FAM221A: variants seen among roughly 807,000 people sequenced by gnomAD.
FAM221A encodes protein FAM221A.
Under a neutral mutation model 37.6 loss-of-function variants are expected in FAM221A, and 43 were observed. The ratio of observed to expected loss-of-function variants is 1.15; its 90% CI spans 0.90 to 1.48. FAM221A has a LOEUF of 1.48. Ranked by LOEUF, FAM221A falls within the 40% of genes most tolerant of loss-of-function variation. The probability of loss-of-function intolerance (pLI) is 0.00; values close to 1 mark genes in which losing one functional copy is unlikely to be tolerated. For missense variants in FAM221A, 361 were observed against 361.5 expected, an observed-to-expected ratio of 1.00 and a Z score of 0.01; for synonymous variants, 135 against 132.9, an observed-to-expected ratio of 1.02 and a Z score of -0.11.
chr7:23,696,070 G>A (rs912880953), intron 4 of FAM221A, among the ~76,000 whole-genome samples: 5 of 152,212 alleles, frequency 3.3e-5, no homozygotes, highest in Non-Finnish European at 7.3e-5. Flanking sequence ...GAACATCATA[G>A]AGTGTACTTA....
chr7:23,683,971 A>ATAAC (rs1784211564), intron 1 of FAM221A, among the ~76,000 whole-genome samples: 1 of 152,234 alleles, frequency 6.6e-6, no homozygotes. Context: ...CTTCTAATCT[A>ATAAC]TAACTAAGAT....
chr7:23,700,242 T>G (rs1785333775), intron 5 of FAM221A, among the ~76,000 whole-genome samples: 2 of 152,196 alleles, frequency 1.3e-5, no homozygotes, highest in South Asian at 4.1e-4. Context: ...TTCTATGCAA[T>G]TAGGCTCTTG....
At chr7:23,698,561 A>T (rs1785205923) in intron 5 of FAM221A, among the ~76,000 whole-genome samples, 1 of 152,196 alleles carries the variant, frequency 6.6e-6, no homozygotes, top group African/African-American at 2.4e-5. Context: ...TTGTTCTGGT[A>T]CATGCTGTTG....
At chr7:23,700,730 T>C (rs1785369306) in intron 5 of FAM221A, 56 bp from the exon 6 acceptor site, 1 of 1,137,018 alleles carries the variant, frequency 8.8e-7, no homozygotes, top group Non-Finnish European at 1.2e-6. Context: ...TTTCTTTTAT[T>C]TCAGGGGAAT....
intron 4 of FAM221A, among the ~76,000 whole-genome samples, chr7:23,695,429 G>T (rs1364474674): frequency 6.6e-6 from 1 of 152,072 alleles, no homozygotes; most frequent in Admixed American, 6.6e-5. Context: ...TGTCTCCCAG[G>T]CTGGAGTGCC....
intron 4 of FAM221A, chr7:23,693,205 G>A (rs918857956): frequency 2.0e-5 from 3 of 152,208 alleles, no homozygotes; most frequent in African/African-American, 7.2e-5. Context: ...GTGTTAACCT[G>A]TAAAATTCTA....
rs368463433 is a variant in FAM221A at position 23,689,509 on chromosome 7, C to T, written c.430+50C>T. Reference sequence around the variant, plus strand: ...TAAACTCAGAATGTTTATATGTCTTCCTTGAATATTTAACGTGCTTTTTTA... The same window carrying T: ...TAAACTCAGAATGTTTATATGTCTTTCTTGAATATTTAACGTGCTTTTTTA... On this transcript the variant is annotated intron_variant, in intron 3 of 6. Coordinates refer to ENST00000344962, the MANE Select transcript of FAM221A (RefSeq NM_199136.5). 17 of 1,344,198 alleles carry T rather than the reference C, an allele frequency of 1.3e-5. No homozygotes were observed. In the African/African-American group the frequency reaches 1.7e-4, roughly 13 times the overall value. The allele number at this position is 1,344,198 out of a possible 1,614,324, so 83.3% of individuals were successfully genotyped here.
In FAM221A at chr7:23,689,133, T is replaced by G. The variant is rs376842617; in HGVS notation, c.240-136T>G. The stretch of plus-strand genomic sequence containing the variant: ...ATACAAGTACTATATGTAGGAGAGT[T>G]TATTTTCACCTTACTATGAAGAATA... On this transcript the variant is annotated intron_variant, in intron 2 of 6. Coordinates refer to ENST00000344962, the MANE Select transcript of FAM221A (RefSeq NM_199136.5). The G allele has an allele frequency of 2.5e-5, 14 of 561,924 alleles. No individual in the cohort carries two copies. The East Asian group carries it at 2.8e-4, about 11-fold the overall frequency. The allele number at this position is 561,924 out of a possible 1,614,324, so 34.8% of individuals were successfully genotyped here. A position where few individuals can be genotyped will look rare whatever the true frequency, so the allele number is the denominator to read the frequency against.
chr7:23,692,561 C>T (rs184440575), intron 4 of FAM221A: 185 of 550,512 alleles, frequency 3.4e-4, no homozygotes, highest in African/African-American at 3.0e-3. Flanking sequence ...AGGCTGGTCT[C>T]GAACTCCTGA....
At chr7:23,698,476 T>A (rs976964227) in intron 5 of FAM221A, among the ~76,000 whole-genome samples, 177 bp downstream of exon 5, 5 of 152,236 alleles carry the variant, frequency 3.3e-5, no homozygotes, top group African/African-American at 1.2e-4. Context: ...AGCAACTTCA[T>A]TTTGTATTGG....
intron 4 of FAM221A, among the ~76,000 whole-genome samples, chr7:23,696,912 G>C (rs912704066): frequency 5.3e-5 from 8 of 152,104 alleles, no homozygotes; most frequent in African/African-American, 1.9e-4. Flanking sequence ...CAGCTCTCTG[G>C]GGGTGTGGGA....
chr7:23,691,717 T>C, intron 4 of FAM221A, 121 bp downstream of exon 4: 1 of 867,316 alleles, frequency 1.2e-6, no homozygotes, highest in Non-Finnish European at 1.7e-6. Context: ...ATTCTCTCGT[T>C]TGATTTTTAT....
intron 2 of FAM221A, chr7:23,686,526 A>T (rs866796696): frequency 3.6e-6 from 1 of 276,180 alleles, no homozygotes; most frequent in Non-Finnish European, 7.1e-6. Flanking sequence ...CGGGCTTTCC[A>T]AAGTACTCAG....
At chr7:23,692,349 T>C (rs1784802108) in intron 4 of FAM221A, 1 of 495,162 alleles carries the variant, frequency 2.0e-6, no homozygotes, top group Non-Finnish European at 2.6e-6. Flanking sequence ...TCTTTTCTTT[T>C]TTTTTTTTTG....
chr7:23,682,264 C>T (rs1157402748), intron 1 of FAM221A, among the ~76,000 whole-genome samples: 1 of 151,678 alleles, frequency 6.6e-6, no homozygotes, highest in Non-Finnish European at 1.5e-5. Context: ...TGGGATCTCA[C>T]TAGGATGCCC....
chr7:23,698,190 A>G lies in FAM221A; in HGVS notation c.638-2A>G, dbSNP rs368979646. The stretch of plus-strand genomic sequence containing the variant: ...TTTATTCTCCATGTATTGTTTTCTC[A>G]GGTGTACCTTCAGTTGAATTTTTAG... On this transcript the variant is annotated splice_acceptor_variant, in intron 4 of 6. Coordinates refer to ENST00000344962, the MANE Select transcript of FAM221A (RefSeq NM_199136.5). LOFTEE classifies it high-confidence loss of function. 7.5e-5 allele frequency: 111 copies of G among 1,482,720 alleles called. No individual in the cohort carries two copies. Among genetic ancestry groups the G allele is most frequent in the Non-Finnish European group, 1.0e-4 (109 of 1,066,548 alleles). The allele number at this position is 1,482,720 out of a possible 1,614,324, so 91.8% of individuals were successfully genotyped here.
intron 5 of FAM221A, among the ~76,000 whole-genome samples, chr7:23,700,184 AAATGAAG>A (rs1159931707): frequency 6.6e-6 from 1 of 152,156 alleles, no homozygotes; most frequent in Non-Finnish European, 1.5e-5. Context: ...TCTGCTTTGG[AAATGAAG>A]GGACCCAGTG....
chr7:23,687,402 A>C (rs1784433718), intron 2 of FAM221A: 1 of 152,160 alleles, frequency 6.6e-6, no homozygotes, highest in South Asian at 2.1e-4. Flanking sequence ...CACTGCTAAA[A>C]TGTTTGAAAA....
intron 6 of FAM221A, 119 bp from the exon 7 acceptor site, chr7:23,701,977 T>C (rs758955365): frequency 2.0e-6 from 1 of 504,482 alleles, no homozygotes; most frequent in Non-Finnish European, 3.4e-6. Flanking sequence ...GGCTTTAGTA[T>C]TTAGCAGCTT....
Sources: allele counts gnomAD v4.1 joint callset (sites outside exome capture counted in the v4.1 genomes callset), GRCh38; gene constraint gnomAD v4.1.1; transcripts MANE v1.5; gene names NCBI Gene and HGNC (gene_info 2026-07-23, HGNC 2026-07-21).